Variants in ARHGAP12 observed in about 807,000 individuals in gnomAD.
ARHGAP12 encodes the protein rho GTPase-activating protein 12.
In ARHGAP12, 64 loss-of-function variants were observed where a neutral mutation model predicts 108.6. The ratio of observed to expected loss-of-function variants is 0.59; its 90% CI spans 0.48 to 0.73. The LOEUF is 0.73. Ranked by LOEUF, ARHGAP12 falls within the 30% of genes least tolerant of loss-of-function variation. The pLI, the probability that ARHGAP12 is intolerant of heterozygous loss-of-function variation, is 0.00. For synonymous variants in ARHGAP12, 312 were observed against 337.2 expected (o/e 0.93, Z 0.82); for missense variants, 940 against 1,005.9 (o/e 0.93, Z 0.89).
intron 3 of ARHGAP12, among the ~76,000 whole-genome samples, chr10:31,863,502 T>A (rs1240113520): frequency 2.0e-5 from 3 of 152,190 alleles, no homozygotes; most frequent in Non-Finnish European, 4.4e-5. Context: ...ACAATTCCTG[T>A]TGTTTAAACA....
rs546645077 is a variant in ARHGAP12 at position 31,848,695 on chromosome 10, A to G, written c.1170+3822T>C. 3.3e-5 allele frequency among the ~76,000 whole-genome samples: 5 copies of G among 152,144 alleles called. No homozygotes were observed. In the South Asian group the frequency reaches 1.0e-3, roughly 32 times the overall value. ...ATTCATGTATGTTTTTATTTTTCCTAATTTCTTGTTCTTTTTAAATGAAAG... is the reference window on the plus strand; with the variant it reads ...ATTCATGTATGTTTTTATTTTTCCTGATTTCTTGTTCTTTTTAAATGAAAG... On this transcript the variant is annotated intron_variant, in intron 6 of 19. Coordinates refer to ENST00000344936, the MANE Select transcript of ARHGAP12 (RefSeq NM_018287.7).
intron 11 of ARHGAP12, 89 bp downstream of exon 11, chr10:31,826,215 G>T: frequency 2.0e-6 from 2 of 986,928 alleles, no homozygotes; most frequent in Admixed American, 2.4e-5. Context: ...ATAACTATAA[G>T]GACTCTGGAA....
intron 1 of ARHGAP12, among the ~76,000 whole-genome samples, chr10:31,928,064 GCCCCAGGTGGATT>G (rs1840125686): frequency 6.6e-6 from 1 of 152,152 alleles, no homozygotes; most frequent in South Asian, 2.1e-4. Context: ...CTCGAGGGAC[GCCCCAGGTGGATT>G]CCCCGGGTGG....
chr10:31,859,355 G>A (rs553372685), intron 4 of ARHGAP12, among the ~76,000 whole-genome samples: 62 of 152,312 alleles, frequency 4.1e-4, no homozygotes, highest in African/African-American at 1.5e-3. Context: ...GGCTGACCCA[G>A]ATATCCATTA....
At chr10:31,827,340 T>C (rs1400160040) in intron 10 of ARHGAP12, among the ~76,000 whole-genome samples, 1 of 152,212 alleles carries the variant, frequency 6.6e-6, no homozygotes, top group Admixed American at 6.5e-5. Context: ...ACAGTACTTT[T>C]CAAACAGCAG....
At chr10:31,818,278 AT>A (rs1192724776) in intron 12 of ARHGAP12, among the ~76,000 whole-genome samples, 11 of 152,152 alleles carry the variant, frequency 7.2e-5, no homozygotes, top group Admixed American at 2.0e-4. Context: ...AACCTGAGAA[AT>A]TTTTTTCTGT....
At chr10:31,926,512 C>A (rs570709771) in intron 1 of ARHGAP12, among the ~76,000 whole-genome samples, 120 of 152,292 alleles carry the variant, frequency 7.9e-4, no homozygotes, top group Non-Finnish European at 1.4e-3. Flanking sequence ...AAATACAGGA[C>A]AAAAGTTTAA....
intron 1 of ARHGAP12, among the ~76,000 whole-genome samples, chr10:31,918,727 T>C (rs1839667707): frequency 6.6e-6 from 1 of 152,108 alleles, no homozygotes; most frequent in Non-Finnish European, 1.5e-5. Context: ...TATAACTAAA[T>C]AAATAACAAA....
intron 3 of ARHGAP12, among the ~76,000 whole-genome samples, chr10:31,905,007 AGTGAT>A (rs1408318195): frequency 6.6e-6 from 1 of 152,198 alleles, no homozygotes; most frequent in Non-Finnish European, 1.5e-5. Context: ...ACTGATCAGT[AGTGAT>A]GTAAGTCAGG....
intron 10 of ARHGAP12, among the ~76,000 whole-genome samples, chr10:31,830,996 A>C (rs1835812007): frequency 1.3e-5 from 2 of 152,242 alleles, no homozygotes; most frequent in South Asian, 4.1e-4. Flanking sequence ...ATGACTTTGC[A>C]AGTGGCCCAG....
intron 6 of ARHGAP12, among the ~76,000 whole-genome samples, chr10:31,850,531 A>T (rs1250661889): frequency 6.6e-6 from 1 of 152,134 alleles, no homozygotes; most frequent in Non-Finnish European, 1.5e-5. Flanking sequence ...TATAAACGGT[A>T]CCAATTTTGA....
chr10:31,829,350 T>C (rs769691425), intron 10 of ARHGAP12, among the ~76,000 whole-genome samples: 8 of 152,040 alleles, frequency 5.3e-5, no homozygotes, highest in Non-Finnish European at 8.8e-5. Flanking sequence ...AAGAGGGAAT[T>C]AGTAGGTATA....
At chr10:31,927,319 A>C (rs1259945918) in intron 1 of ARHGAP12, among the ~76,000 whole-genome samples, 1 of 152,256 alleles carries the variant, frequency 6.6e-6, no homozygotes, top group Non-Finnish European at 1.5e-5. Context: ...GATAAAGAAA[A>C]GGCGATATGG....
At chr10:31,858,950 A>C (rs1027625205) in intron 4 of ARHGAP12, among the ~76,000 whole-genome samples, 2 of 152,144 alleles carry the variant, frequency 1.3e-5, no homozygotes, top group Non-Finnish European at 2.9e-5. Flanking sequence ...AGAATCTGCA[A>C]CTGGCTCAGC....
intron 1 of ARHGAP12, among the ~76,000 whole-genome samples, chr10:31,924,375 G>T (rs993946404): frequency 6.6e-6 from 1 of 152,100 alleles, no homozygotes; most frequent in African/African-American, 2.4e-5. Flanking sequence ...TGTAAGAACG[G>T]AAAGAGAAAA....
intron 3 of ARHGAP12, among the ~76,000 whole-genome samples, chr10:31,903,159 G>T (rs1425897699): frequency 6.6e-6 from 1 of 152,110 alleles, no homozygotes; most frequent in African/African-American, 2.4e-5. Flanking sequence ...TTCACAGAGC[G>T]TTCTTACACA....
chr10:31,869,200 G>GAAT (rs1191974799), intron 3 of ARHGAP12, among the ~76,000 whole-genome samples: 1 of 152,054 alleles, frequency 6.6e-6, no homozygotes, highest in Admixed American at 6.6e-5. Context: ...CCTTGTTCAT[G>GAAT]AATTGTCACC....
Position 31,805,632 on chromosome 10 carries a change from T to C in ARHGAP12, c.*2026A>G, listed in dbSNP as rs1349490321. The stretch of plus-strand genomic sequence containing the variant: ...AATAAACTGATTAGCTGTAGACTAA[T>C]AAAACATTTAAGACTTCACACACAC... On this transcript the variant is annotated 3_prime_UTR_variant, in exon 20 of 20. Transcript: ENST00000344936. 1 of 137,096 alleles carries C rather than the reference T, an allele frequency of 7.3e-6. No individual in the cohort carries two copies. Among genetic ancestry groups the C allele is most frequent in the Non-Finnish European group, 1.5e-5 (1 of 65,276 alleles). The allele number at this position is 137,096 out of a possible 1,614,324, so 8.5% of individuals were successfully genotyped here. A position where few individuals can be genotyped will look rare whatever the true frequency, so the allele number is the denominator to read the frequency against.
At position 31,852,617 on chromosome 10, in the gene ARHGAP12, G is replaced by GT. The variant is rs780390676; in HGVS notation, c.1090-21dup. 3.5e-5 allele frequency: 54 copies of GT among 1,539,104 alleles called. No homozygotes were observed. Among genetic ancestry groups the GT allele is most frequent in the Middle Eastern group, 3.4e-4 (2 of 5,866 alleles). Reference sequence around the variant, plus strand: ...GAGCCACTATAAAAACAGAACAGGTGTTTTTTATTAAATTTAAATAAAAGT... The same window carrying GT: ...GAGCCACTATAAAAACAGAACAGGTGTTTTTTTATTAAATTTAAATAAAAGT... On this transcript the variant is annotated intron_variant, in intron 5 of 19. Transcript: ENST00000344936.
Sources: gnomAD v4.1 joint callset for allele counts (sites outside exome capture counted in the v4.1 genomes callset) on GRCh38, gnomAD v4.1.1 for gene constraint, MANE v1.5 for transcripts, NCBI Gene and HGNC (gene_info 2026-07-23, HGNC 2026-07-21) for gene names.